YAP1: variants seen among roughly 807,000 people sequenced by gnomAD.
The protein encoded by YAP1 is transcriptional coactivator YAP1.
In YAP1, 5 loss-of-function variants were observed where a neutral mutation model predicts 56.9. The observed-to-expected ratio is 0.09, with a 90% CI of 0.05 to 0.18. The LOEUF (loss-of-function observed/expected upper bound fraction) is 0.18, where lower values mean the gene tolerates loss of function less well. Among genes scored for constraint, YAP1 ranks in the 10% least tolerant of loss-of-function variants. The pLI is 1.00. For missense variants in YAP1, 539 were observed against 651.8 expected (o/e 0.83, Z 1.88); for synonymous variants, 265 against 248.1 (o/e 1.07, Z -0.64).
Position 102,227,518 on chromosome 11 carries a change from A to G in YAP1, c.1213A>G (p.Ser405Gly), listed in dbSNP as rs575026656. ...GAGTACAGACAGTGGACTAAGCATG[A>G]GCAGCTACAGTGTCCCTCGAACCCC... is the stretch of plus-strand genomic sequence containing the variant. ...DESTDSGLSM[S>G]SYSVPRTPDD... The change falls in exon 8 of 9, where the codon AGC becomes GGC. Residue 405 changes from serine (S) to glycine (G), a missense_variant. This residue lies in a region of YAP1 where 414 missense variants were observed against 512.4 expected (regional missense o/e 0.81). Coordinates refer to ENST00000282441, the MANE Select transcript of YAP1 (RefSeq NM_001130145.3). The G allele has an allele frequency of 1.1e-5, 17 of 1,614,030 alleles. No individual in the cohort carries two copies. In the South Asian group the frequency reaches 1.6e-4, roughly 16 times the overall value.
intron 3 of YAP1, among the ~76,000 whole-genome samples, chr11:102,165,197 A>G (rs146895415): frequency 2.8e-4 from 41 of 148,808 alleles, no homozygotes; most frequent in African/African-American, 8.1e-4. Context: ...TGTCTCTACA[A>G]AAAAAAAAAA....
At chr11:102,153,332 G>A (rs192019909) in intron 2 of YAP1, among the ~76,000 whole-genome samples, 285 of 152,234 alleles carry the variant, frequency 1.9e-3, no homozygotes, top group Non-Finnish European at 3.0e-3. Context: ...AAGTCACTGC[G>A]CACTCTTCCA....
intron 3 of YAP1, among the ~76,000 whole-genome samples, chr11:102,163,419 A>G (rs540493805): frequency 1.3e-5 from 2 of 152,270 alleles, no homozygotes; most frequent in South Asian, 2.1e-4. Context: ...TTAGCCCATT[A>G]TGTACCTTTG....
chr11:102,169,169 T>C (rs568006003), intron 3 of YAP1, among the ~76,000 whole-genome samples: 2 of 152,316 alleles, frequency 1.3e-5, no homozygotes, highest in East Asian at 1.9e-4. Flanking sequence ...TAATAACTCA[T>C]AGGGCTGTTG....
chr11:102,152,009 A>T (rs982624334), intron 2 of YAP1, among the ~76,000 whole-genome samples: 1 of 152,226 alleles, frequency 6.6e-6, no homozygotes, highest in African/African-American at 2.4e-5. Flanking sequence ...GTCCAGGAAT[A>T]AACAGAAGAG....
intron 2 of YAP1, among the ~76,000 whole-genome samples, chr11:102,146,414 T>C (rs1043884236): frequency 6.6e-6 from 1 of 152,210 alleles, no homozygotes. Flanking sequence ...GAGATGCACC[T>C]CTTTTACATG....
At chr11:102,115,002 C>G (rs901234349) in intron 2 of YAP1, among the ~76,000 whole-genome samples, 4 of 152,114 alleles carry the variant, frequency 2.6e-5, no homozygotes, top group Non-Finnish European at 4.4e-5. Flanking sequence ...TTCTTTCAAG[C>G]TAGTAGGTCT....
At chr11:102,203,486 A>G (rs1294819224) in intron 4 of YAP1, among the ~76,000 whole-genome samples, 1 of 152,204 alleles carries the variant, frequency 6.6e-6, no homozygotes, top group Non-Finnish European at 1.5e-5. Context: ...TCTTTTTAGA[A>G]ATACATGTTA....
chr11:102,153,850 T>C (rs1343908834), intron 2 of YAP1, among the ~76,000 whole-genome samples: 2 of 148,352 alleles, frequency 1.3e-5, no homozygotes, highest in East Asian at 1.9e-4. Flanking sequence ...ACAGAGGAAC[T>C]CTTAAAAAAA....
At chr11:102,166,686 G>A (rs923136886) in intron 3 of YAP1, among the ~76,000 whole-genome samples, 7 of 152,186 alleles carry the variant, frequency 4.6e-5, no homozygotes, top group African/African-American at 1.2e-4. Context: ...AAGCTACACC[G>A]TGCTTTTGAA....
chr11:102,176,688 G>T (rs1447049007), intron 3 of YAP1, among the ~76,000 whole-genome samples: 1 of 132,612 alleles, frequency 7.5e-6, no homozygotes, highest in Non-Finnish European at 1.6e-5. Flanking sequence ...GGAGGTTGCA[G>T]TGAGCTGAGA....
Position 102,206,035 on chromosome 11 carries a change from G to A in YAP1, c.945G>A (p.Lys315=). ...GACTGCAGCAACTGCAGATGGAGAAGGAGAGGCTGCGGCTGAAACAGCAAG... is the reference window on the plus strand; with the variant it reads ...GACTGCAGCAACTGCAGATGGAGAAAGAGAGGCTGCGGCTGAAACAGCAAG... The part of the protein sequence containing the change: ...QMRLQQLQME[K]ERLRLKQQEL... Residue 315 remains lysine, a synonymous_variant, in exon 5 of 9, where the codon AAG becomes AAA. Transcript: ENST00000282441. The A allele has an allele frequency of 1.2e-6, 2 of 1,614,034 alleles. No individual in the cohort carries two copies. The highest frequency in any genetic ancestry group is 1.7e-6 in the Non-Finnish European group (2 of 1,179,964).
At chr11:102,202,029 A>G (rs560517028) in intron 4 of YAP1, among the ~76,000 whole-genome samples, 1 of 152,218 alleles carries the variant, frequency 6.6e-6, no homozygotes, top group Admixed American at 6.5e-5. Flanking sequence ...GACCTGGTCA[A>G]ATATGGCACA....
chr11:102,156,958 G>A (rs150160058), intron 2 of YAP1, among the ~76,000 whole-genome samples: 202 of 152,198 alleles, frequency 1.3e-3, no homozygotes, highest in Non-Finnish European at 2.5e-3. Flanking sequence ...ATGCTTGCGG[G>A]CAAATGTTAA....
intron 4 of YAP1, among the ~76,000 whole-genome samples, chr11:102,195,485 C>T (rs1007588820): frequency 6.6e-6 from 1 of 151,960 alleles, no homozygotes; most frequent in South Asian, 2.1e-4. Context: ...TGGCTGTGTC[C>T]CCACCCAAAT....
intron 4 of YAP1, among the ~76,000 whole-genome samples, chr11:102,204,909 T>C (rs1001916985): frequency 1.3e-5 from 2 of 152,190 alleles, no homozygotes; most frequent in African/African-American, 4.8e-5. Flanking sequence ...CATTGGGACC[T>C]GGGGTTTTCT....
intron 6 of YAP1, 121 bp downstream of exon 6, chr11:102,209,685 G>GAGCC: frequency 1.1e-6 from 1 of 914,410 alleles, no homozygotes; most frequent in South Asian, 2.2e-5. Flanking sequence ...GAATAACTTT[G>GAGCC]AGCCATCTTT....
chr11:102,180,832 T>C (rs1947565645), intron 3 of YAP1, among the ~76,000 whole-genome samples: 1 of 151,748 alleles, frequency 6.6e-6, no homozygotes, highest in Non-Finnish European at 1.5e-5. Flanking sequence ...CAACTAAAAA[T>C]GTTTCGAAGC....
In YAP1 at chr11:102,121,446, A is replaced by AC. The variant is rs1943645013; in HGVS notation, c.572+7052_572+7053insC. On this transcript the variant is annotated intron_variant, in intron 2 of 8. Transcript: ENST00000282441. ...GGAGTGAGACCTTGTCTCAAAAAAA[A>AC]AAAAAACTAAAAACAGAAAACCAGT... Among the ~76,000 whole-genome samples, 3 of 151,612 alleles carry AC rather than the reference A, an allele frequency of 2.0e-5. No homozygotes were observed. In the South Asian group the frequency reaches 6.2e-4, roughly 32 times the overall value.
Sources: gnomAD v4.1 joint callset for allele counts (sites outside exome capture counted in the v4.1 genomes callset) on GRCh38, gnomAD v4.1.1 for gene constraint, gnomAD v4.1.1 regional missense constraint, MANE v1.5 for transcripts, NCBI Gene and HGNC (gene_info 2026-07-23, HGNC 2026-07-21) for gene names.